Variants in CCNA1 observed in about 807,000 individuals in gnomAD.
CCNA1 encodes the protein cyclin A1, also known as cyclin-A1.
Under a neutral mutation model 54.1 loss-of-function variants are expected in CCNA1, and 23 were observed. The observed-to-expected ratio is 0.42, with a 90% CI of 0.31 to 0.60. CCNA1 has a LOEUF of 0.60. Ranked by LOEUF, CCNA1 falls within the 20% of genes least tolerant of loss-of-function variation. The probability of loss-of-function intolerance (pLI) is 0.14; values close to 1 mark genes in which losing one functional copy is unlikely to be tolerated. For synonymous variants in CCNA1, 208 were observed against 213.9 expected, an observed-to-expected ratio of 0.97 and a Z score of 0.24; for missense variants, 450 against 556.7, an observed-to-expected ratio of 0.81 and a Z score of 1.93.
At chr13:36,433,370 TTTTCTTTCTTTCTTTC>T (rs201986317) in intron 2 of CCNA1, 149 bp downstream of exon 2, 9,544 of 317,240 alleles carry the variant, frequency 0.03, 889 homozygotes, top group East Asian at 0.072. Context: ...GATTGATTTA[TTTTCTTTCTTTCTTTC>T]TTTCTTTCTT....
intron 8 of CCNA1, 50 bp downstream of exon 8, chr13:36,442,354 G>T (rs1202514491): frequency 1.3e-6 from 2 of 1,579,982 alleles, no homozygotes; most frequent in African/African-American, 2.7e-5. Context: ...AAGCTTAATG[G>T]GTTATAGTAA....
Position 36,436,519 on chromosome 13 carries a change from T to C in CCNA1, c.298-1110T>C, listed in dbSNP as rs138379800. Among the ~76,000 whole-genome samples the C allele has an allele frequency of 5.8e-3, 891 of 152,324 alleles. 8 individuals are homozygous for C. Among genetic ancestry groups the C allele is most frequent in the African/African-American group, 0.021 (859 of 41,556 alleles). On this transcript the variant is annotated intron_variant, in intron 2 of 8. Transcript: ENST00000255465. ...GCACATAGTAGATACTCAGTAAATA[T>C]TTGTTTATTAAATATATGTCCCAGC...
Position 36,432,748 on chromosome 13 carries a change from C to G in CCNA1, c.108+19C>G, listed in dbSNP as rs769219060. 6 of 1,485,042 alleles carry G rather than the reference C, an allele frequency of 4.0e-6. No homozygotes were observed. In the South Asian group the frequency reaches 6.9e-5, roughly 17 times the overall value. The allele number at this position is 1,485,042 out of a possible 1,614,324, so 92.0% of individuals were successfully genotyped here. ...CTTCCAGGTAACGTGGGTTTAGTAT[C>G]CCGACTTGGAGGCTTGTCAGAATGT... On this transcript the variant is annotated intron_variant, in intron 1 of 8. Coordinates refer to ENST00000255465, the MANE Select transcript of CCNA1 (RefSeq NM_003914.4).
rs771079753 is a variant in CCNA1, at chr13:36,440,196, C to G, written c.1098+13C>G. 2.5e-6 allele frequency: 4 copies of G among 1,608,496 alleles called. No homozygotes were observed. The African/African-American group carries it at 5.4e-5, about 22-fold the overall frequency. ...GAACCTGGCTAAGGTGTGTATGCCG[C>G]GTGATTTCTAGGAACTTCCAGTGCC... On this transcript the variant is annotated intron_variant, in intron 6 of 8. Transcript: ENST00000255465.
At position 36,438,690 on chromosome 13, in the gene CCNA1, T is replaced by A; in HGVS notation, c.716T>A (p.Ile239Asn). Reference sequence around the variant, plus strand: ...CACTACATGAAGAAGCAGCCAGACATCACGGAAGGCATGCGCACGATTCTG... The same window carrying A: ...CACTACATGAAGAAGCAGCCAGACAACACGGAAGGCATGCGCACGATTCTG... Residue 239 changes from isoleucine (I) to asparagine (N), a missense_variant, in exon 5 of 9, where the codon ATC becomes AAC. By Grantham distance (149) the Ile-to-Asn change is moderately radical (BLOSUM62 -3). Around this residue, in one of 6 missense-constraint regions of CCNA1, gnomAD observed 150 missense variants for 219.7 expected, o/e 0.68. Coordinates refer to ENST00000255465, the MANE Select transcript of CCNA1 (RefSeq NM_003914.4). 1 of 1,614,050 alleles carries A rather than the reference T, an allele frequency of 6.2e-7. No individual in the cohort carries two copies. The highest frequency in any genetic ancestry group is 8.5e-7 in the Non-Finnish European group (1 of 1,180,000).
chr13:36,440,152 G>A lies in CCNA1; in HGVS notation c.1067G>A (p.Gly356Glu), dbSNP rs745675697. Residue 356 changes from glycine (G) to glutamate (E), a missense_variant, in exon 6 of 9, where the codon GGA becomes GAA. Transcript: ENST00000255465. ...CTCCTTCAGTACTTGAGGCGACAAG[G>A]AGTGTGCGTCAGGACTGAGAACCTG... 1 of 1,613,954 alleles carries A rather than the reference G, an allele frequency of 6.2e-7. No homozygotes were observed. The highest frequency in any genetic ancestry group is 1.3e-5 in the African/African-American group (1 of 74,912).
At chr13:36,433,386 CTTTCTT>C (rs1367926570) in intron 2 of CCNA1, among the ~76,000 whole-genome samples, 165 bp downstream of exon 2, 54 of 72,592 alleles carry the variant, frequency 7.4e-4, no homozygotes, top group Admixed American at 2.1e-3. Flanking sequence ...TTCTTTCTTT[CTTTCTT>C]TCTTTCTTTC....
At chr13:36,438,298 C>T in intron 4 of CCNA1, 107 bp downstream of exon 4, 1 of 935,002 alleles carries the variant, frequency 1.1e-6, no homozygotes, top group South Asian at 1.6e-5. Context: ...ACTCTTATGC[C>T]AGCTAAACAT....
Position 36,438,697 on chromosome 13 carries a change from A to G in CCNA1, c.723A>G (p.Glu241=). ...TGAAGAAGCAGCCAGACATCACGGA[A>G]GGCATGCGCACGATTCTGGTGGACT... is the stretch of plus-strand genomic sequence containing the variant. Residue 241 remains glutamate, a synonymous_variant, in exon 5 of 9, where the codon GAA becomes GAG. Coordinates refer to ENST00000255465, the MANE Select transcript of CCNA1 (RefSeq NM_003914.4). The G allele has an allele frequency of 6.2e-7, 1 of 1,614,138 alleles. No homozygotes were observed. Among genetic ancestry groups the G allele is most frequent in the Non-Finnish European group, 8.5e-7 (1 of 1,180,012 alleles).
Position 36,442,681 on chromosome 13 carries a change from C to T in CCNA1, c.*16C>T. On this transcript the variant is annotated 3_prime_UTR_variant, in exon 9 of 9. Coordinates refer to ENST00000255465, the MANE Select transcript of CCNA1 (RefSeq NM_003914.4). Reference sequence around the variant, plus strand: ...TCTACAATAAGTTTCTGAATGGAAGCACTTCCAGAACTTCACCTCCATATC... The same window carrying T: ...TCTACAATAAGTTTCTGAATGGAAGTACTTCCAGAACTTCACCTCCATATC... The T allele has an allele frequency of 6.2e-7, 1 of 1,609,882 alleles. No individual in the cohort carries two copies. Among genetic ancestry groups the T allele is most frequent in the Non-Finnish European group, 8.5e-7 (1 of 1,176,548 alleles).
At chr13:36,433,446 C>CT (rs1566169758) in intron 2 of CCNA1, among the ~76,000 whole-genome samples, 2 of 72,166 alleles carry the variant, frequency 2.8e-5, no homozygotes, top group Non-Finnish European at 7.4e-5. Context: ...TTCTTTCGTT[C>CT]TTTCTTTCTT....
intron 2 of CCNA1, among the ~76,000 whole-genome samples, chr13:36,435,999 A>G (rs988000041): frequency 3.9e-5 from 6 of 152,122 alleles, no homozygotes; most frequent in Admixed American, 3.9e-4. Context: ...TATTAACTCT[A>G]CTTTTTAAAT....
intron 2 of CCNA1, among the ~76,000 whole-genome samples, chr13:36,434,394 A>T (rs1434601599): frequency 6.6e-6 from 1 of 152,254 alleles, no homozygotes; most frequent in Non-Finnish European, 1.5e-5. Context: ...GACTCTTCAC[A>T]TGCTCTGTTC....
At chr13:36,435,004 C>CT (rs2055784660) in intron 2 of CCNA1, among the ~76,000 whole-genome samples, 1 of 152,160 alleles carries the variant, frequency 6.6e-6, no homozygotes, top group African/African-American at 2.4e-5. Flanking sequence ...AACGCTCCCT[C>CT]TGAGTATTAC....
At chr13:36,440,254 C>T (rs2055859681) in intron 6 of CCNA1, 71 bp downstream of exon 6, 2 of 1,286,760 alleles carry the variant, frequency 1.6e-6, no homozygotes, top group Non-Finnish European at 2.2e-6. Context: ...TCCCAATCAT[C>T]CTTCAGTTCT....
intron 2 of CCNA1, 148 bp from the exon 3 acceptor site, chr13:36,437,481 T>A: frequency 4.1e-6 from 2 of 489,420 alleles, no homozygotes; most frequent in Non-Finnish European, 6.8e-6. Flanking sequence ...TTTGAAGACC[T>A]TTTTTTTTTG....
chr13:36,435,614 T>C (rs1342034254), intron 2 of CCNA1, among the ~76,000 whole-genome samples: 1 of 152,350 alleles, frequency 6.6e-6, no homozygotes, highest in African/African-American at 2.4e-5. Context: ...ATATAGTCTG[T>C]ACAAGTTAGA....
rs775344684 is a variant in CCNA1 at position 36,438,159 on chromosome 13, G to A, written c.637G>A (p.Glu213Lys). The change falls in exon 4 of 9, where the codon GAA (glutamate) becomes AAA (lysine). Residue 213 changes from glutamate to lysine, a missense_variant. Transcript: ENST00000255465. Reference sequence around the variant, plus strand: ...TGTGATAAATGTGACTGAATATGCTGAAGAAATTTATCAGTACCTTAGGGA... The same window carrying A: ...TGTGATAAATGTGACTGAATATGCTAAAGAAATTTATCAGTACCTTAGGGA... 1 of 1,613,608 alleles carries A rather than the reference G, an allele frequency of 6.2e-7. No homozygotes were observed. Among genetic ancestry groups the A allele is most frequent in the East Asian group, 2.2e-5 (1 of 44,856 alleles).
At chr13:36,434,826 G>GCCCCCCCCCCCCC (rs368520828) in intron 2 of CCNA1, among the ~76,000 whole-genome samples, 2 of 110,894 alleles carry the variant, frequency 1.8e-5, no homozygotes, top group African/African-American at 3.3e-5. Flanking sequence ...CATGAGAGGT[G>GCCCCCCCCCCCCC]CCCCCCCCCC....
Sources: gnomAD v4.1 joint callset for allele counts (sites outside exome capture counted in the v4.1 genomes callset) on GRCh38, gnomAD v4.1.1 for gene constraint, gnomAD v4.1.1 regional missense constraint, MANE v1.5 for transcripts, NCBI Gene and HGNC (gene_info 2026-07-23, HGNC 2026-07-21) for gene names.